The following POM121C variants were observed in gnomAD, a reference collection of about 807,000 sequenced individuals.
The protein encoded by POM121C is nuclear envelope pore membrane protein POM 121C.
In POM121C, 20 loss-of-function variants were observed where a neutral mutation model predicts 66.4. The observed-to-expected ratio is 0.30, with a 90% CI of 0.21 to 0.44. The LOEUF is 0.44. POM121C is among the 20% of genes least tolerant of loss of function. POM121C has a pLI of 1.00. For synonymous variants in POM121C, 286 were observed against 528.0 expected (o/e 0.54, Z 6.28); for missense variants, 580 against 1,225.7 (o/e 0.47, Z 7.87).
intron 3 of POM121C, 69 bp downstream of exon 3, chr7:75,474,635 A>C (rs1792006904): frequency 1.7e-6 from 1 of 585,780 alleles, no homozygotes; most frequent in South Asian, 1.9e-5. Flanking sequence ...ATACATATAA[A>C]CAACTCTTTA....
At chr7:75,461,621 G>A (rs1791444727) in intron 3 of POM121C, among the ~76,000 whole-genome samples, 1 of 152,024 alleles carries the variant, frequency 6.6e-6, no homozygotes, top group South Asian at 2.1e-4. Context: ...ATGTTGGCCA[G>A]GCTGGTCTCA....
At chr7:75,468,117 G>C (rs1563155984) in intron 3 of POM121C, among the ~76,000 whole-genome samples, 1 of 104,736 alleles carries the variant, frequency 9.5e-6, no homozygotes, top group African/African-American at 3.3e-5. Context: ...GGGCAACAGA[G>C]ACTCTGTCTA....
intron 13 of POM121C, chr7:75,420,285 G>C (rs1275350174): frequency 6.5e-6 from 1 of 152,678 alleles, no homozygotes; most frequent in African/African-American, 2.4e-5. Context: ...AACTGCTCCG[G>C]CTCCCGAATC....
intron 1 of POM121C, among the ~76,000 whole-genome samples, chr7:75,485,500 G>T (rs1232123032): frequency 6.6e-6 from 1 of 151,476 alleles, no homozygotes; most frequent in African/African-American, 2.4e-5. Flanking sequence ...TTCTCCCAGG[G>T]CAGGTCTAAG....
At chr7:75,476,078 G>A (rs1432668947) in intron 1 of POM121C, among the ~76,000 whole-genome samples, 1 of 152,156 alleles carries the variant, frequency 6.6e-6, no homozygotes, top group Non-Finnish European at 1.5e-5. Context: ...TCAGGAGTTC[G>A]AGACCAGGTT....
At chr7:75,464,725 G>A (rs1279406518) in intron 3 of POM121C, among the ~76,000 whole-genome samples, 522 of 140,144 alleles carry the variant, frequency 3.7e-3, no homozygotes, top group Non-Finnish European at 6.1e-3. Flanking sequence ...GCATGGTGGC[G>A]GGCACCTGTA....
intron 3 of POM121C, among the ~76,000 whole-genome samples, chr7:75,473,934 C>T (rs1256473368): frequency 1.3e-5 from 2 of 152,036 alleles, no homozygotes; most frequent in South Asian, 2.1e-4. Flanking sequence ...GTGATCCGCC[C>T]GCCTCGGCCT....
intron 7 of POM121C, among the ~76,000 whole-genome samples, chr7:75,430,126 C>G (rs1554472161): frequency 6.6e-6 from 1 of 152,154 alleles, no homozygotes; most frequent in African/African-American, 2.4e-5. Context: ...CAATCCCAAT[C>G]AGTATCTCAA....
chr7:75,471,656 T>A (rs2116516338), intron 3 of POM121C, among the ~76,000 whole-genome samples: 1 of 150,966 alleles, frequency 6.6e-6, no homozygotes, highest in South Asian at 2.1e-4. Context: ...ATCGAAGGAG[T>A]GGGATCCTGG....
chr7:75,463,156 C>T (rs1205422794), intron 3 of POM121C, among the ~76,000 whole-genome samples: 9 of 152,052 alleles, frequency 5.9e-5, no homozygotes, highest in African/African-American at 1.9e-4. Flanking sequence ...AACCCCGTCT[C>T]TACTAAAAAA....
chr7:75,422,066 G>C lies in POM121C; in HGVS notation c.2186C>G (p.Ser729Cys). Residue 729 changes from serine to cysteine, a missense_variant, in exon 13 of 15, where the codon TCT becomes TGT. Ser to Cys is a moderately radical substitution (Grantham distance 112, BLOSUM62 -1). Transcript: ENST00000615331. The stretch of plus-strand genomic sequence containing the variant: ...GGCTGCAGAGTTTCCAAAAGTGAAA[G>C]AGCTGCCAAAGCTGGGGGTAAGGGC... The part of the protein sequence containing the change: ...KPALTPSFGS[S>C]FTFGNSAAPA... 1 of 1,610,558 alleles carries C rather than the reference G, an allele frequency of 6.2e-7. No individual in the cohort carries two copies. The highest frequency in any genetic ancestry group is 1.1e-5 in the South Asian group (1 of 91,038).
chr7:75,419,035 T>C, intron 14 of POM121C, 142 bp from the exon 15 acceptor site: 1 of 1,447,838 alleles, frequency 6.9e-7, no homozygotes, highest in Non-Finnish European at 9.1e-7. Context: ...AGAAACACTG[T>C]ACGGGAGGAG....
chr7:75,476,636 T>A (rs1792088558), intron 1 of POM121C, among the ~76,000 whole-genome samples: 1 of 151,838 alleles, frequency 6.6e-6, no homozygotes, highest in Admixed American at 6.6e-5. Flanking sequence ...GAGTAATAAC[T>A]TTCTGGGTTA....
At position 75,441,071 on chromosome 7, in the gene POM121C, T is replaced by C. The variant is rs1554473891; in HGVS notation, c.110A>G (p.Asn37Ser). 1.2e-5 allele frequency: 20 copies of C among 1,613,990 alleles called. No individual in the cohort carries two copies. The highest frequency in any genetic ancestry group is 1.5e-5 in the Non-Finnish European group (18 of 1,179,874). Residue 37 changes from asparagine to serine, a missense_variant, in exon 5 of 15, where the codon AAT becomes AGT. Asn to Ser is a conservative substitution (Grantham distance 46). Coordinates refer to ENST00000615331, the MANE Select transcript of POM121C (RefSeq NM_001099415.3). ...CTCCTTTGCACATGGGTCTGGGGCA[T>C]TACTTGATGGTGACGACAGTGTTGA... ...ISSTLSSPSS[N>S]APDPCAKETV...
At chr7:75,462,315 G>A (rs1218505263) in intron 3 of POM121C, among the ~76,000 whole-genome samples, 4 of 152,128 alleles carry the variant, frequency 2.6e-5, no homozygotes, top group Non-Finnish European at 5.9e-5. Context: ...CACCATGATT[G>A]TAAGTCTCCT....
At chr7:75,448,380 ACATAT>A (rs1554475150) in intron 3 of POM121C, among the ~76,000 whole-genome samples, 1 of 151,896 alleles carries the variant, frequency 6.6e-6, no homozygotes, top group African/African-American at 2.4e-5. Context: ...AATGGTAACT[ACATAT>A]ATTTATATGT....
chr7:75,434,125 T>C (rs1554472731), intron 7 of POM121C, among the ~76,000 whole-genome samples: 1 of 152,182 alleles, frequency 6.6e-6, no homozygotes. Flanking sequence ...TTCTCTACTA[T>C]AGGAAAAACT....
intron 5 of POM121C, among the ~76,000 whole-genome samples, chr7:75,439,441 G>A (rs1790545176): frequency 6.6e-6 from 1 of 152,012 alleles, no homozygotes; most frequent in Non-Finnish European, 1.5e-5. Flanking sequence ...GAGTGCAATA[G>A]CACAATCTTG....
At chr7:75,424,487 C>G in intron 11 of POM121C, 39 bp downstream of exon 11, 3 of 1,605,998 alleles carry the variant, frequency 1.9e-6, no homozygotes, top group Non-Finnish European at 2.6e-6. Context: ...AAACAGACAC[C>G]TGAAACCTCT....
Sources: allele counts gnomAD v4.1 joint callset (sites outside exome capture counted in the v4.1 genomes callset), GRCh38; gene constraint gnomAD v4.1.1; transcripts MANE v1.5; gene names NCBI Gene and HGNC (gene_info 2026-07-23, HGNC 2026-07-21).